Variants in PDE7B observed in about 807,000 individuals in gnomAD.
PDE7B encodes phosphodiesterase 7B.
PDE7B carries 29 observed loss-of-function variants against 56.2 expected under a neutral mutation model. That is an observed-to-expected ratio of 0.52 (90% confidence interval 0.38 to 0.70). PDE7B has a LOEUF of 0.70. Ranked by LOEUF, PDE7B falls within the 30% of genes least tolerant of loss-of-function variation. PDE7B has a pLI of 0.00. For missense variants in PDE7B, 490 were observed against 565.0 expected, an observed-to-expected ratio of 0.87 and a Z score of 1.35; for synonymous variants, 197 against 196.9, an observed-to-expected ratio of 1.00 and a Z score of 0.00.
At chr6:136,181,182 A>G in intron 10 of PDE7B, 45 bp from the exon 11 acceptor site, 1 of 1,445,628 alleles carries the variant, frequency 6.9e-7, no homozygotes, top group Admixed American at 1.7e-5. Flanking sequence ...TTTGCAACTG[A>G]AAGAACATCC....
chr6:135,908,904 G>T (rs1248657879), intron 1 of PDE7B, among the ~76,000 whole-genome samples: 1 of 152,162 alleles, frequency 6.6e-6, no homozygotes, highest in African/African-American at 2.4e-5. Flanking sequence ...CGAAATCACA[G>T]AGAATTTACC....
At chr6:136,153,982 T>C (rs572272693) in intron 6 of PDE7B, 93 bp from the exon 7 acceptor site, 17 of 769,086 alleles carry the variant, frequency 2.2e-5, no homozygotes, top group Admixed American at 6.7e-5. Context: ...GAGGCACTGA[T>C]ATTTTTAAGC....
At chr6:136,144,588 C>A (rs544179239) in intron 3 of PDE7B, among the ~76,000 whole-genome samples, 1 of 152,094 alleles carries the variant, frequency 6.6e-6, no homozygotes, top group African/African-American at 2.4e-5. Flanking sequence ...CAAAATTGTG[C>A]TAATAATGTC....
At chr6:136,145,017 T>C (rs947098051) in intron 3 of PDE7B, among the ~76,000 whole-genome samples, 5 of 152,122 alleles carry the variant, frequency 3.3e-5, no homozygotes, top group Admixed American at 2.6e-4. Context: ...ATTGGGTAAT[T>C]ACCCCATTGC....
intron 2 of PDE7B, among the ~76,000 whole-genome samples, chr6:135,967,084 C>T (rs1031519830): frequency 3.3e-5 from 5 of 152,156 alleles, no homozygotes; most frequent in Non-Finnish European, 5.9e-5. Context: ...CAGCCTGGAA[C>T]CTGGGCCTCC....
intron 3 of PDE7B, among the ~76,000 whole-genome samples, chr6:136,143,185 T>G (rs1778356652): frequency 1.3e-5 from 2 of 152,036 alleles, no homozygotes; most frequent in African/African-American, 4.8e-5. Flanking sequence ...GTCTGTAAAG[T>G]ATTTAATTAC....
At chr6:136,134,734 CAAA>C (rs67667001) in intron 3 of PDE7B, among the ~76,000 whole-genome samples, 5,367 of 91,400 alleles carry the variant, frequency 0.059, 298 homozygotes, top group African/African-American at 0.2. Flanking sequence ...TTATGGTAGG[CAAA>C]AAAAAAAAAA....
intron 2 of PDE7B, among the ~76,000 whole-genome samples, chr6:135,957,959 C>T (rs568623553): frequency 6.6e-6 from 1 of 152,190 alleles, no homozygotes; most frequent in African/African-American, 2.4e-5. Context: ...CCAGCCAGAA[C>T]AGTGGTTCAC....
intron 1 of PDE7B, among the ~76,000 whole-genome samples, chr6:135,933,651 T>G (rs1034770962): frequency 3.3e-5 from 5 of 152,234 alleles, no homozygotes; most frequent in African/African-American, 1.2e-4. Context: ...ATTACAAGGT[T>G]AAAAAATTCG....
intron 11 of PDE7B, 26 bp from the exon 12 acceptor site, chr6:136,187,010 T>G (rs1350609195): frequency 1.6e-6 from 2 of 1,262,180 alleles, no homozygotes; most frequent in African/African-American, 3.0e-5. Flanking sequence ...ACCAATGTGT[T>G]TTTTTCTTTC....
At chr6:135,880,878 C>T (rs921806590) in intron 1 of PDE7B, among the ~76,000 whole-genome samples, 1 of 152,130 alleles carries the variant, frequency 6.6e-6, no homozygotes, top group Non-Finnish European at 1.5e-5. Flanking sequence ...CAAGATAATA[C>T]TAGAGCTCAG....
At chr6:136,004,524 T>C (rs1309317111) in intron 2 of PDE7B, among the ~76,000 whole-genome samples, 2 of 152,092 alleles carry the variant, frequency 1.3e-5, no homozygotes, top group Non-Finnish European at 2.9e-5. Flanking sequence ...ACAAAATCAA[T>C]GTACAAAAAT....
At chr6:135,971,957 G>C (rs1037856069) in intron 2 of PDE7B, among the ~76,000 whole-genome samples, 1 of 151,954 alleles carries the variant, frequency 6.6e-6, no homozygotes, top group Admixed American at 6.6e-5. Context: ...GGGATGTGCC[G>C]GGCACGGTGG....
At chr6:136,169,282 G>A (rs1379713445) in intron 8 of PDE7B, among the ~76,000 whole-genome samples, 1 of 152,016 alleles carries the variant, frequency 6.6e-6, no homozygotes, top group African/African-American at 2.4e-5. Flanking sequence ...TTCCACCGCG[G>A]TTCTGGCCAA....
At chr6:136,063,770 C>T (rs1776885928) in intron 2 of PDE7B, among the ~76,000 whole-genome samples, 1 of 152,198 alleles carries the variant, frequency 6.6e-6, no homozygotes, top group African/African-American at 2.4e-5. Context: ...AACGTTTACT[C>T]AAAATTGTCC....
chr6:136,130,437 T>C (rs563483395), intron 3 of PDE7B, among the ~76,000 whole-genome samples: 62 of 152,320 alleles, frequency 4.1e-4, no homozygotes, highest in African/African-American at 1.4e-3. Context: ...AAAGAAAGGC[T>C]TCTGACTCCA....
Position 135,872,529 on chromosome 6 carries a change from T to C in PDE7B, c.21+20510T>C, listed in dbSNP as rs143812276. Among the ~76,000 whole-genome samples the C allele has an allele frequency of 1.8e-4, 28 of 152,342 alleles. 1 individual carries two copies. Among genetic ancestry groups the C allele is most frequent in the South Asian group, 4.1e-4 (2 of 4,830 alleles). ...ATGTCAAATGCAAGTGTTCACAGTA[T>C]ATTAAAAATTGGTTAGGAATCAGTG... is the stretch of plus-strand genomic sequence containing the variant. On this transcript the variant is annotated intron_variant, in intron 1 of 12. Transcript: ENST00000308191.
chr6:136,130,193 G>C (rs748315699), intron 3 of PDE7B, among the ~76,000 whole-genome samples: 1 of 152,146 alleles, frequency 6.6e-6, no homozygotes, highest in Non-Finnish European at 1.5e-5. Context: ...CAGTCTCATA[G>C]AGCGCAACTC....
intron 2 of PDE7B, among the ~76,000 whole-genome samples, chr6:136,026,821 G>T (rs547346151): frequency 5.3e-4 from 81 of 152,310 alleles, no homozygotes; most frequent in Non-Finnish European, 5.4e-4. Context: ...GGAATCTGAA[G>T]CTTCTGTTTT....
Sources: gnomAD v4.1 joint callset for allele counts (sites outside exome capture counted in the v4.1 genomes callset) on GRCh38, gnomAD v4.1.1 for gene constraint, MANE v1.5 for transcripts, NCBI Gene and HGNC (gene_info 2026-07-23, HGNC 2026-07-21) for gene names.